LINGO1: variants seen among roughly 807,000 people sequenced by gnomAD.
LINGO1 encodes leucine rich repeat and Ig domain containing 1.
Under a neutral mutation model 37.3 loss-of-function variants are expected in LINGO1, and 11 were observed. That is an observed-to-expected ratio of 0.29 (90% CI 0.19 to 0.49). The LOEUF is 0.49. Ranked by LOEUF, LINGO1 falls within the 20% of genes least tolerant of loss-of-function variation. The pLI, the probability that LINGO1 is intolerant of heterozygous loss-of-function variation, is 0.99. For synonymous variants in LINGO1, 387 were observed against 403.0 expected, an observed-to-expected ratio of 0.96 and a Z score of 0.48; for missense variants, 585 against 878.2, an observed-to-expected ratio of 0.67 and a Z score of 4.22.
At chr15:77,670,171 T>C (rs1364228480) in intron 3 of LINGO1, among the ~76,000 whole-genome samples, 2 of 152,102 alleles carry the variant, frequency 1.3e-5, no homozygotes, top group African/African-American at 4.8e-5. Flanking sequence ...CAAAAGTAGA[T>C]TCGTGGTTGC....
chr15:77,734,200 C>T (rs905565225), intron 2 of LINGO1, among the ~76,000 whole-genome samples: 2 of 152,156 alleles, frequency 1.3e-5, no homozygotes, highest in African/African-American at 4.8e-5. Context: ...GGAGGGGTGC[C>T]GTCTCCCCAA....
At chr15:77,700,639 T>C (rs1045209505), upstream of LINGO1, among the ~76,000 whole-genome samples, 1 of 152,120 alleles carries the variant, frequency 6.6e-6, no homozygotes, top group Non-Finnish European at 1.5e-5. Context: ...GGGGTCGGTG[T>C]TACCAGTGGT....
chr15:77,784,605 AT>A (rs1229441590), intron 1 of LINGO1: 1 of 152,164 alleles, frequency 6.6e-6, no homozygotes, highest in African/African-American at 2.4e-5. Context: ...CATTTAGGAC[AT>A]GCCTGAGTGT....
At chr15:77,758,311 G>C (rs940288193) in intron 1 of LINGO1, among the ~76,000 whole-genome samples, 1 of 152,214 alleles carries the variant, frequency 6.6e-6, no homozygotes, top group Non-Finnish European at 1.5e-5. Flanking sequence ...TGGAGGTTGA[G>C]AGTCCGGCTT....
chr15:77,663,294 G>A (rs1443995249), intron 3 of LINGO1, among the ~76,000 whole-genome samples: 1 of 152,114 alleles, frequency 6.6e-6, no homozygotes, highest in Non-Finnish European at 1.5e-5. Context: ...TCGGGGGTGG[G>A]GAGGCTTCCA....
intron 1 of LINGO1, among the ~76,000 whole-genome samples, chr15:77,628,708 G>A (rs867952019): frequency 6.6e-6 from 1 of 152,066 alleles, no homozygotes; most frequent in East Asian, 1.9e-4. Context: ...CTGCTACTAC[G>A]ATTAATACTA....
intron 1 of LINGO1, among the ~76,000 whole-genome samples, chr15:77,775,657 C>T (rs777501704): frequency 5.3e-5 from 8 of 152,186 alleles, no homozygotes; most frequent in Non-Finnish European, 7.3e-5. Context: ...ACTCATTGCT[C>T]CTTGTCATAC....
intron 1 of LINGO1, among the ~76,000 whole-genome samples, chr15:77,813,903 G>T (rs2077027616): frequency 6.6e-6 from 1 of 152,184 alleles, no homozygotes; most frequent in Non-Finnish European, 1.5e-5. Context: ...CCCTGCCCCA[G>T]AAGGCTCAGG....
At chr15:77,701,789 GC>G (rs1373932191) in intron 2 of LINGO1, among the ~76,000 whole-genome samples, 1 of 152,076 alleles carries the variant, frequency 6.6e-6, no homozygotes, top group Non-Finnish European at 1.5e-5. Context: ...GCTCCCTGAG[GC>G]CCCCTCCCCT....
chr15:77,791,617 G>A (rs2076819325), upstream of LINGO1, among the ~76,000 whole-genome samples: 1 of 151,970 alleles, frequency 6.6e-6, no homozygotes, highest in South Asian at 2.1e-4. Context: ...AGCCACTGAA[G>A]GTTCTTGAGG....
At chr15:77,784,011 G>GT (rs2076747440) in intron 1 of LINGO1, among the ~76,000 whole-genome samples, 1 of 152,242 alleles carries the variant, frequency 6.6e-6, no homozygotes, top group Non-Finnish European at 1.5e-5. Flanking sequence ...AGGGAGGACG[G>GT]TGCTGCGCCC....
intron 1 of LINGO1, among the ~76,000 whole-genome samples, chr15:77,693,455 A>G (rs1001924368): frequency 5.9e-5 from 9 of 152,226 alleles, no homozygotes; most frequent in African/African-American, 2.2e-4. Flanking sequence ...TGAAGCGGCC[A>G]TATTGGAATT....
intron 2 of LINGO1, among the ~76,000 whole-genome samples, chr15:77,794,351 CGTATATAT>C (rs1480779473): frequency 1.8e-5 from 2 of 109,428 alleles, no homozygotes; most frequent in Non-Finnish European, 3.7e-5. Flanking sequence ...TACATATATA[CGTATATAT>C]GTGTATATAC....
chr15:77,641,709 A>G (rs988724199), intron 3 of LINGO1: 35 of 383,572 alleles, frequency 9.1e-5, no homozygotes, highest in African/African-American at 6.9e-4. Flanking sequence ...ATCTTGACCC[A>G]CTGTGGAGTC....
At chr15:77,711,677 T>A (rs1217818859) in intron 2 of LINGO1, among the ~76,000 whole-genome samples, 1 of 152,062 alleles carries the variant, frequency 6.6e-6, no homozygotes, top group Non-Finnish European at 1.5e-5. Flanking sequence ...ACCTTGGGAG[T>A]ATGTACTGTC....
chr15:77,715,580 C>T (rs949494352), intron 2 of LINGO1, among the ~76,000 whole-genome samples: 2 of 152,176 alleles, frequency 1.3e-5, no homozygotes, highest in African/African-American at 2.4e-5. Flanking sequence ...TGGGTAACCC[C>T]GGGCAAGTCA....
intron 2 of LINGO1, among the ~76,000 whole-genome samples, chr15:77,678,362 C>A (rs2075361804): frequency 6.6e-6 from 1 of 152,202 alleles, no homozygotes; most frequent in South Asian, 2.1e-4. Context: ...CCCTGGCAAC[C>A]ACTGATCTGT....
intron 2 of LINGO1, among the ~76,000 whole-genome samples, chr15:77,719,734 A>G (rs921599762): frequency 6.7e-6 from 1 of 149,928 alleles, no homozygotes; most frequent in African/African-American, 2.4e-5. Context: ...ACGCACATAT[A>G]TACAATCTCA....
chr15:77,782,063 G>C (rs556079277), intron 1 of LINGO1, among the ~76,000 whole-genome samples: 1 of 152,356 alleles, frequency 6.6e-6, no homozygotes, highest in South Asian at 2.1e-4. Flanking sequence ...CGAGGAGCAG[G>C]TTCAGCTGTA....
Sources: allele counts gnomAD v4.1 joint callset (sites outside exome capture counted in the v4.1 genomes callset), GRCh38; gene constraint gnomAD v4.1.1; transcripts MANE v1.5; gene names NCBI Gene and HGNC (gene_info 2026-07-23, HGNC 2026-07-21).